STXBP5L: variants seen among roughly 807,000 people sequenced by gnomAD.
The protein encoded by STXBP5L is syntaxin binding protein 5L.
A neutral mutation model predicts 144.5 loss-of-function variants in STXBP5L; 65 were observed. That is an observed-to-expected ratio of 0.45 (90% confidence interval 0.37 to 0.55). The LOEUF is 0.55. STXBP5L is among the 20% of genes least tolerant of loss of function. The pLI is 0.00. For missense variants in STXBP5L, 1,298 were observed against 1,405.5 expected, an observed-to-expected ratio of 0.92 and a Z score of 1.22; for synonymous variants, 505 against 469.6, an observed-to-expected ratio of 1.08 and a Z score of -0.97.
At chr3:121,367,447 A>G (rs897564404) in intron 20 of STXBP5L, among the ~76,000 whole-genome samples, 1 of 152,036 alleles carries the variant, frequency 6.6e-6, no homozygotes, top group Non-Finnish European at 1.5e-5. Context: ...AGCATTTTAA[A>G]TATATTGATT....
At chr3:121,014,229 T>C (rs1239506689) in intron 3 of STXBP5L, among the ~76,000 whole-genome samples, 1 of 152,046 alleles carries the variant, frequency 6.6e-6, no homozygotes, top group Non-Finnish European at 1.5e-5. Flanking sequence ...TTTTGAGCAG[T>C]ATGGACATTT....
At chr3:121,190,833 A>G (rs1402538913) in intron 9 of STXBP5L, among the ~76,000 whole-genome samples, 2 of 151,050 alleles carry the variant, frequency 1.3e-5, no homozygotes, top group Non-Finnish European at 3.0e-5. Context: ...CGGGGCGGCC[A>G]GTCAGAGATG....
At chr3:121,081,183 T>C (rs143954986) in intron 5 of STXBP5L, among the ~76,000 whole-genome samples, 2 of 152,232 alleles carry the variant, frequency 1.3e-5, no homozygotes, top group East Asian at 3.9e-4. Context: ...TCCCTAAGTG[T>C]GTATTTTATT....
chr3:121,405,277 C>G (rs551079206), intron 22 of STXBP5L, among the ~76,000 whole-genome samples: 2 of 152,130 alleles, frequency 1.3e-5, no homozygotes, highest in Middle Eastern at 6.8e-3. Flanking sequence ...AATTTATCTA[C>G]CTTTTTTCAA....
chr3:121,097,928 GT>G (rs1276785439), intron 5 of STXBP5L, among the ~76,000 whole-genome samples: 2 of 151,974 alleles, frequency 1.3e-5, no homozygotes, highest in African/African-American at 4.8e-5. Flanking sequence ...TATACTGTTG[GT>G]TTACGTTGAA....
At chr3:120,959,444 G>A (rs1938473245) in intron 3 of STXBP5L, among the ~76,000 whole-genome samples, 1 of 152,178 alleles carries the variant, frequency 6.6e-6, no homozygotes, top group Non-Finnish European at 1.5e-5. Context: ...ACATTGCCAA[G>A]TCAATCCTAA....
chr3:120,957,539 G>A (rs1313573474), intron 3 of STXBP5L, among the ~76,000 whole-genome samples: 1 of 151,940 alleles, frequency 6.6e-6, no homozygotes, highest in East Asian at 1.9e-4. Flanking sequence ...TTTGGTATTA[G>A]GATAATGCCG....
chr3:121,112,699 C>T (rs1046844166), intron 5 of STXBP5L, among the ~76,000 whole-genome samples: 1 of 151,810 alleles, frequency 6.6e-6, no homozygotes, highest in African/African-American at 2.4e-5. Context: ...CTAAGGATAT[C>T]TTCGATTATT....
rs1192265367 is a variant in STXBP5L, at chr3:121,051,056, C to A, written c.470+5521C>A. Among the ~76,000 whole-genome samples the A allele has an allele frequency of 5.3e-5, 8 of 152,168 alleles. No individual in the cohort carries two copies. The East Asian group carries it at 1.4e-3, about 26-fold the overall frequency. On this transcript the variant is annotated intron_variant, in intron 5 of 26. Transcript: ENST00000471454. ...CTAACTATCCTAAATATATATGCAC[C>A]CAATACAGGAGCACCCAGATTCATA...
chr3:121,344,991 A>AT (rs1263121839), intron 20 of STXBP5L, among the ~76,000 whole-genome samples: 4 of 148,758 alleles, frequency 2.7e-5, no homozygotes, highest in Non-Finnish European at 4.4e-5. Flanking sequence ...TTGTATATAT[A>AT]AAAAAAGTAA....
intron 5 of STXBP5L, among the ~76,000 whole-genome samples, chr3:121,055,285 G>T (rs1479674060): frequency 1.3e-5 from 2 of 152,010 alleles, no homozygotes; most frequent in African/African-American, 4.8e-5. Flanking sequence ...ATTTAACCAA[G>T]CATCTTTTGG....
At chr3:121,150,834 T>A (rs1395825333) in intron 7 of STXBP5L, among the ~76,000 whole-genome samples, 6 of 152,132 alleles carry the variant, frequency 3.9e-5, no homozygotes, top group Admixed American at 3.9e-4. Flanking sequence ...ATGCCTGTAA[T>A]CCTAGCACTT....
At chr3:120,984,278 G>A (rs780002367) in intron 3 of STXBP5L, among the ~76,000 whole-genome samples, 1 of 152,240 alleles carries the variant, frequency 6.6e-6, no homozygotes, top group African/African-American at 2.4e-5. Context: ...TCTTTTACCA[G>A]TAATGGCTTC....
intron 9 of STXBP5L, among the ~76,000 whole-genome samples, chr3:121,171,524 T>A (rs373228329): frequency 2.0e-5 from 3 of 152,238 alleles, no homozygotes; most frequent in East Asian, 3.9e-4. Context: ...GAATACAAAA[T>A]CAATGTGCTA....
At chr3:121,404,140 TATTCCTCTC>T (rs1276217261) in intron 22 of STXBP5L, among the ~76,000 whole-genome samples, 5 of 152,094 alleles carry the variant, frequency 3.3e-5, no homozygotes, top group African/African-American at 4.8e-5. Flanking sequence ...GAGCTCCTGG[TATTCCTCTC>T]ATTCCTCTCA....
At chr3:121,329,895 CT>C (rs2044269627) in intron 20 of STXBP5L, among the ~76,000 whole-genome samples, 1 of 141,316 alleles carries the variant, frequency 7.1e-6, no homozygotes, top group South Asian at 2.5e-4. Flanking sequence ...GAAGAAACTA[CT>C]TGTCACACCA....
chr3:121,113,184 G>T (rs927846009), intron 5 of STXBP5L, among the ~76,000 whole-genome samples: 4 of 152,124 alleles, frequency 2.6e-5, no homozygotes, highest in African/African-American at 9.7e-5. Context: ...CTTAACCCTG[G>T]AAGTGACTAT....
At chr3:121,302,249 A>G (rs1042354722) in intron 19 of STXBP5L, among the ~76,000 whole-genome samples, 2 of 152,066 alleles carry the variant, frequency 1.3e-5, no homozygotes, top group Non-Finnish European at 2.9e-5. Context: ...CAGAGATTCA[A>G]CTTCTTCCTG....
At chr3:121,064,994 T>A (rs914502761) in intron 5 of STXBP5L, among the ~76,000 whole-genome samples, 2 of 152,218 alleles carry the variant, frequency 1.3e-5, no homozygotes, top group Non-Finnish European at 2.9e-5. Flanking sequence ...GAACATATAG[T>A]ATTGTTTTCT....
Sources: gnomAD v4.1 joint callset for allele counts (sites outside exome capture counted in the v4.1 genomes callset) on GRCh38, gnomAD v4.1.1 for gene constraint, MANE v1.5 for transcripts, NCBI Gene and HGNC (gene_info 2026-07-23, HGNC 2026-07-21) for gene names.